Variants in CHST11 observed in about 807,000 individuals in gnomAD.
CHST11 encodes C4S-1.
A neutral mutation model predicts 30.4 loss-of-function variants in CHST11; 9 were observed. That is an observed-to-expected ratio of 0.30 (90% CI 0.18 to 0.52). The LOEUF (loss-of-function observed/expected upper bound fraction) is 0.52, where lower values mean the gene tolerates loss of function less well. Among genes scored for constraint, CHST11 ranks in the 20% least tolerant of loss-of-function variants. CHST11 has a pLI of 0.97. For synonymous variants in CHST11, 152 were observed against 187.8 expected (o/e 0.81, Z 1.56); for missense variants, 348 against 460.6 (o/e 0.76, Z 2.24).
chr12:104,509,771 T>C (rs1029603129), intron 1 of CHST11, among the ~76,000 whole-genome samples: 2 of 152,226 alleles, frequency 1.3e-5, no homozygotes, highest in Non-Finnish European at 2.9e-5. Flanking sequence ...CCTCTAATTT[T>C]GATATTTATA....
intron 2 of CHST11, among the ~76,000 whole-genome samples, chr12:104,688,910 C>T (rs189766053): frequency 7.2e-5 from 11 of 152,280 alleles, no homozygotes; most frequent in African/African-American, 2.6e-4. Context: ...GGCTTGAGCC[C>T]AGGAGTTCGA....
At chr12:104,528,347 C>T (rs1360618536) in intron 1 of CHST11, among the ~76,000 whole-genome samples, 1 of 152,214 alleles carries the variant, frequency 6.6e-6, no homozygotes, top group Non-Finnish European at 1.5e-5. Context: ...GCTTCTTTGC[C>T]TCCAGATCAT....
rs1350199999 is a variant in CHST11 at position 104,457,310 on chromosome 12, T to C, written c.-102T>C. ...CCTCCCTCTGAGCCTTGCTCAGCTC[T>C]GCCCCGCGCCTCCCGGGCTCCGGTC... On this transcript the variant is annotated 5_prime_UTR_variant, in exon 1 of 3. Coordinates refer to ENST00000303694, the MANE Select transcript of CHST11 (RefSeq NM_018413.6). 2 of 754,818 alleles carry C rather than the reference T, an allele frequency of 2.6e-6. No individual in the cohort carries two copies. Among genetic ancestry groups the C allele is most frequent in the Non-Finnish European group, 4.5e-6 (2 of 444,432 alleles). 46.8% of individuals were successfully genotyped at this position (754,818 alleles called of 1,614,324 possible).
intron 2 of CHST11, among the ~76,000 whole-genome samples, chr12:104,709,609 A>G (rs1032403730): frequency 6.6e-6 from 1 of 152,066 alleles, no homozygotes; most frequent in South Asian, 2.1e-4. Context: ...CGAGAACCCA[A>G]GACTAGGAAG....
chr12:104,585,069 T>C (rs1026217055), intron 1 of CHST11, among the ~76,000 whole-genome samples: 1 of 152,320 alleles, frequency 6.6e-6, no homozygotes, highest in South Asian at 2.1e-4. Context: ...CTTAAAAATA[T>C]GGAAATGAAA....
chr12:104,547,031 G>A (rs2038357471), intron 1 of CHST11, among the ~76,000 whole-genome samples: 1 of 152,192 alleles, frequency 6.6e-6, no homozygotes, highest in South Asian at 2.1e-4. Context: ...AAAATTATCA[G>A]TAATAAAGCA....
intron 2 of CHST11, among the ~76,000 whole-genome samples, chr12:104,694,192 C>T (rs886227152): frequency 2.0e-5 from 3 of 152,128 alleles, no homozygotes; most frequent in South Asian, 4.1e-4. Context: ...GTATCATGGA[C>T]GTACCTACAT....
At chr12:104,753,121 T>G (rs916110857) in intron 2 of CHST11, among the ~76,000 whole-genome samples, 1 of 152,200 alleles carries the variant, frequency 6.6e-6, no homozygotes, top group African/African-American at 2.4e-5. Flanking sequence ...AGGAGGCACC[T>G]TGGGCAGTCA....
chr12:104,512,214 G>A (rs1047846169), intron 1 of CHST11, among the ~76,000 whole-genome samples: 35 of 152,140 alleles, frequency 2.3e-4, no homozygotes, highest in African/African-American at 2.9e-4. Context: ...AACATCCAGG[G>A]TAGAAAGAAA....
At chr12:104,741,660 CT>C (rs1334436886) in intron 2 of CHST11, among the ~76,000 whole-genome samples, 1 of 152,202 alleles carries the variant, frequency 6.6e-6, no homozygotes, top group Non-Finnish European at 1.5e-5. Flanking sequence ...CTCTATCGGT[CT>C]TCTGTGTCAG....
intron 2 of CHST11, among the ~76,000 whole-genome samples, chr12:104,690,270 T>G (rs767951302): frequency 5.3e-5 from 8 of 152,332 alleles, no homozygotes; most frequent in Non-Finnish European, 8.8e-5. Context: ...AAGGATTTTG[T>G]TTTGGGACTC....
chr12:104,639,458 G>A (rs2039355026), intron 2 of CHST11, among the ~76,000 whole-genome samples: 1 of 152,184 alleles, frequency 6.6e-6, no homozygotes, highest in African/African-American at 2.4e-5. Flanking sequence ...GCCAATCACT[G>A]TGATGATGGA....
intron 2 of CHST11, among the ~76,000 whole-genome samples, chr12:104,648,720 A>G (rs1455684717): frequency 6.6e-6 from 1 of 152,138 alleles, no homozygotes; most frequent in Non-Finnish European, 1.5e-5. Flanking sequence ...AGGCCAGGGC[A>G]GGAGAATCAC....
At chr12:104,632,160 C>T (rs951125967) in intron 2 of CHST11, among the ~76,000 whole-genome samples, 1 of 152,092 alleles carries the variant, frequency 6.6e-6, no homozygotes, top group Non-Finnish European at 1.5e-5. Context: ...CACGAGACCT[C>T]CTGGATTCCA....
intron 2 of CHST11, among the ~76,000 whole-genome samples, chr12:104,645,021 C>T (rs1402965455): frequency 6.6e-6 from 1 of 152,294 alleles, no homozygotes; most frequent in African/African-American, 2.4e-5. Context: ...CATGATGGCT[C>T]ACTGCAAGCT....
intron 2 of CHST11, among the ~76,000 whole-genome samples, chr12:104,642,444 A>G (rs2039386494): frequency 6.6e-6 from 1 of 152,188 alleles, no homozygotes; most frequent in Non-Finnish European, 1.5e-5. Context: ...TGTGTCGCCC[A>G]GGCTGGAGTG....
Position 104,468,302 on chromosome 12 carries a change from G to A in CHST11, c.118+10773G>A, listed in dbSNP as rs562283064. ...AGATATTTATTGGATATTATTTACC[G>A]AAGGCCAACTTGGGTCAGGCATTGA... is the stretch of plus-strand genomic sequence containing the variant. On this transcript the variant is annotated intron_variant, in intron 1 of 2. Coordinates refer to ENST00000303694, the MANE Select transcript of CHST11 (RefSeq NM_018413.6). Among the ~76,000 whole-genome samples the A allele has an allele frequency of 3.6e-4, 55 of 152,252 alleles. 2 individuals carry two copies. The South Asian group carries it at 0.011, about 30-fold the overall frequency.
At chr12:104,708,251 T>G (rs1251352557) in intron 2 of CHST11, among the ~76,000 whole-genome samples, 5 of 152,222 alleles carry the variant, frequency 3.3e-5, no homozygotes, top group Non-Finnish European at 7.3e-5. Flanking sequence ...CTGAGTGACC[T>G]TGGTCAGGTT....
intron 1 of CHST11, among the ~76,000 whole-genome samples, chr12:104,549,391 C>A (rs1210527762): frequency 6.6e-6 from 1 of 152,082 alleles, no homozygotes; most frequent in African/African-American, 2.4e-5. Flanking sequence ...TAATTGGGAC[C>A]ATTGTTGGGA....
Sources: allele counts gnomAD v4.1 joint callset (sites outside exome capture counted in the v4.1 genomes callset), GRCh38; gene constraint gnomAD v4.1.1; transcripts MANE v1.5; gene names NCBI Gene and HGNC (gene_info 2026-07-23, HGNC 2026-07-21).